The following SLC24A3 variants were observed in gnomAD, a reference collection of about 807,000 sequenced individuals.
SLC24A3 encodes sodium/potassium/calcium exchanger 3.
In SLC24A3, 28 loss-of-function variants were observed where a neutral mutation model predicts 75.8. That is an observed-to-expected ratio of 0.37 (90% confidence interval 0.27 to 0.51). SLC24A3 has a LOEUF of 0.51. Ranked by LOEUF, SLC24A3 falls within the 20% of genes least tolerant of loss-of-function variation. SLC24A3 has a pLI of 0.94. For synonymous variants in SLC24A3, 372 were observed against 334.1 expected (o/e 1.11, Z -1.24); for missense variants, 663 against 847.8 (o/e 0.78, Z 2.71).
At chr20:19,574,600 C>A (rs2031102243) in intron 3 of SLC24A3, among the ~76,000 whole-genome samples, 1 of 152,226 alleles carries the variant, frequency 6.6e-6, no homozygotes, top group East Asian at 1.9e-4. Flanking sequence ...CTGTACCCTG[C>A]ATGTCTCTTT....
intron 2 of SLC24A3, among the ~76,000 whole-genome samples, chr20:19,374,755 C>T (rs1461959561): frequency 2.0e-5 from 3 of 152,198 alleles, no homozygotes; most frequent in Admixed American, 2.0e-4. Context: ...CATAGGCTCT[C>T]ATGGCCCTGA....
intron 7 of SLC24A3, among the ~76,000 whole-genome samples, chr20:19,655,669 G>A (rs956140396): frequency 3.3e-5 from 5 of 152,166 alleles, no homozygotes; most frequent in Non-Finnish European, 5.9e-5. Flanking sequence ...AAAGGCAGAA[G>A]GGTGAATTTG....
At chr20:19,408,348 T>C (rs946687532) in intron 2 of SLC24A3, among the ~76,000 whole-genome samples, 1 of 152,090 alleles carries the variant, frequency 6.6e-6, no homozygotes, top group Non-Finnish European at 1.5e-5. Context: ...ATAATAATTT[T>C]CCCCTTTTTC....
intron 2 of SLC24A3, among the ~76,000 whole-genome samples, chr20:19,452,445 G>A (rs1278969671): frequency 1.3e-5 from 2 of 148,944 alleles, no homozygotes; most frequent in Admixed American, 6.7e-5. Flanking sequence ...AAGGTGGTGG[G>A]GAGGAGAGTC....
intron 6 of SLC24A3, among the ~76,000 whole-genome samples, chr20:19,639,107 C>T (rs2032037157): frequency 6.6e-6 from 1 of 152,146 alleles, no homozygotes; most frequent in African/African-American, 2.4e-5. Context: ...TCTGTTTTGA[C>T]AGGGCGCTGA....
chr20:19,359,088 C>T (rs1370437984), intron 2 of SLC24A3, among the ~76,000 whole-genome samples: 1 of 152,136 alleles, frequency 6.6e-6, no homozygotes, highest in Non-Finnish European at 1.5e-5. Flanking sequence ...CATTTGTGTA[C>T]AGGTTTTGGT....
intron 2 of SLC24A3, among the ~76,000 whole-genome samples, chr20:19,367,882 C>T (rs1311832701): frequency 6.6e-6 from 1 of 152,142 alleles, no homozygotes; most frequent in Non-Finnish European, 1.5e-5. Context: ...GATGATCAAC[C>T]AGCAGCCATC....
chr20:19,514,949 A>G (rs938339787), intron 2 of SLC24A3, among the ~76,000 whole-genome samples: 2 of 152,212 alleles, frequency 1.3e-5, no homozygotes, highest in African/African-American at 4.8e-5. Flanking sequence ...GAGCAAAATG[A>G]AGACCCACTT....
At chr20:19,684,978 C>A in intron 11 of SLC24A3, 122 bp from the exon 12 acceptor site, 2 of 1,283,070 alleles carry the variant, frequency 1.6e-6, no homozygotes, top group Non-Finnish European at 2.1e-6. Flanking sequence ...TAAAACTTGA[C>A]TCCAGGGTCT....
intron 2 of SLC24A3, among the ~76,000 whole-genome samples, chr20:19,293,167 C>A (rs550365689): frequency 3.7e-4 from 56 of 152,238 alleles, no homozygotes; most frequent in Non-Finnish European, 5.6e-4. Flanking sequence ...ACACAGTTTC[C>A]CCACTGCCTG....
chr20:19,285,137 T>G (rs1388333215), intron 2 of SLC24A3, among the ~76,000 whole-genome samples: 1 of 152,184 alleles, frequency 6.6e-6, no homozygotes, highest in Non-Finnish European at 1.5e-5. Context: ...TGTCTTCTGA[T>G]GACAGCTGCT....
At chr20:19,454,513 A>G (rs2122487001) in intron 2 of SLC24A3, among the ~76,000 whole-genome samples, 2 of 152,300 alleles carry the variant, frequency 1.3e-5, no homozygotes, top group Non-Finnish European at 2.9e-5. Context: ...CCACTTCAAA[A>G]ATGTGATTCA....
intron 2 of SLC24A3, among the ~76,000 whole-genome samples, chr20:19,430,415 G>T (rs1439301068): frequency 6.6e-6 from 1 of 152,104 alleles, no homozygotes; most frequent in Admixed American, 6.6e-5. Context: ...GAGGGAAGTT[G>T]GGTGAGGAAG....
chr20:19,658,719 A>T (rs1235521424), intron 7 of SLC24A3, among the ~76,000 whole-genome samples: 1 of 152,142 alleles, frequency 6.6e-6, no homozygotes, highest in Admixed American at 6.5e-5. Flanking sequence ...CAATGCCTTC[A>T]GTCTCTTTTT....
At position 19,721,856 on chromosome 20, in the gene SLC24A3, C is replaced by G. The variant is rs2033107804; in HGVS notation, c.*716C>G. ...AGAACAAATGCATGACATTTTATAG[C>G]CAAGGACGCCTCGCTAAAGTCTTAT... is the stretch of plus-strand genomic sequence containing the variant. On this transcript the variant is annotated 3_prime_UTR_variant, in exon 17 of 17. Transcript: ENST00000328041. The G allele has an allele frequency of 6.6e-6, 1 of 152,626 alleles. No homozygotes were observed. Among genetic ancestry groups the G allele is most frequent in the Non-Finnish European group, 1.5e-5 (1 of 68,088 alleles). 9.5% of individuals were successfully genotyped at this position (152,626 alleles called of 1,614,324 possible). A position where few individuals can be genotyped will look rare whatever the true frequency, so the allele number is the denominator to read the frequency against.
intron 2 of SLC24A3, among the ~76,000 whole-genome samples, chr20:19,380,257 G>A (rs1055360581): frequency 2.6e-5 from 4 of 152,142 alleles, no homozygotes; most frequent in Admixed American, 6.5e-5. Context: ...GCCTGTTGGT[G>A]CAAAGAAGCA....
chr20:19,634,170 T>C (rs1600312571), intron 6 of SLC24A3, among the ~76,000 whole-genome samples: 1 of 152,308 alleles, frequency 6.6e-6, no homozygotes. Context: ...GTGGTGTTTA[T>C]GTGCTATTTA....
rs571707680 is a variant in SLC24A3, at chr20:19,472,767, C to T, written c.272-42721C>T. ...GTCCCCACTACCGTTGCCTGAAATACAGGGGTGTGCTGTAGTGAGTGGGGT... is the reference window on the plus strand; with the variant it reads ...GTCCCCACTACCGTTGCCTGAAATATAGGGGTGTGCTGTAGTGAGTGGGGT... On this transcript the variant is annotated intron_variant, in intron 2 of 16. Transcript: ENST00000328041. Among the ~76,000 whole-genome samples, 7 of 152,268 alleles carry T rather than the reference C, an allele frequency of 4.6e-5. No individual in the cohort carries two copies. The South Asian group carries it at 1.2e-3, about 27-fold the overall frequency.
intron 2 of SLC24A3, among the ~76,000 whole-genome samples, chr20:19,503,853 G>A (rs2122545222): frequency 6.6e-6 from 1 of 152,262 alleles, no homozygotes; most frequent in Non-Finnish European, 1.5e-5. Context: ...CAAGCAGATG[G>A]ATTAGTAATA....
Sources: allele counts gnomAD v4.1 joint callset (sites outside exome capture counted in the v4.1 genomes callset), GRCh38; gene constraint gnomAD v4.1.1; transcripts MANE v1.5; gene names NCBI Gene and HGNC (gene_info 2026-07-23, HGNC 2026-07-21).